PCDHA7: variants seen among roughly 807,000 people sequenced by gnomAD.
PCDHA7 encodes the protein protocadherin alpha 7, also known as protocadherin alpha-7.
A neutral mutation model predicts 57.2 loss-of-function variants in PCDHA7; 37 were observed. The ratio of observed to expected loss-of-function variants is 0.65; its 90% CI spans 0.50 to 0.85. The LOEUF is 0.85. Ranked by LOEUF, PCDHA7 falls within the 40% of genes least tolerant of loss-of-function variation. The pLI, the probability that PCDHA7 is intolerant of heterozygous loss-of-function variation, is 0.00. For synonymous variants in PCDHA7, 553 were observed against 558.8 expected, an observed-to-expected ratio of 0.99 and a Z score of 0.15; for missense variants, 1,188 against 1,241.8, an observed-to-expected ratio of 0.96 and a Z score of 0.65.
At chr5:141,007,759 T>C (rs1392582275) in intron 3 of PCDHA7, among the ~76,000 whole-genome samples, 6 of 152,312 alleles carry the variant, frequency 3.9e-5, no homozygotes, top group Middle Eastern at 3.4e-3. Flanking sequence ...TGGACTCTTA[T>C]TGGCCTGGAA....
chr5:140,877,233 G>A (rs1554169499), intron 1 of PCDHA7: 2 of 1,613,676 alleles, frequency 1.2e-6, no homozygotes, highest in Non-Finnish European at 8.5e-7. Flanking sequence ...CGGTGGGTGC[G>A]GGCCACGTGG....
chr5:140,883,126 G>A (rs781992873), intron 1 of PCDHA7: 2 of 1,614,036 alleles, frequency 1.2e-6, no homozygotes, highest in South Asian at 1.1e-5. Context: ...GGCCTGTATG[G>A]CCTGCAGTGG....
rs143772295 is a variant in PCDHA7 at position 140,836,248 on chromosome 5, T to C, written c.1865T>C (p.Phe622Ser). Residue 622 changes from phenylalanine to serine, a missense_variant, in exon 1 of 4, where the codon TTC becomes TCC. This residue lies in a region of PCDHA7 where 892 missense variants were observed against 788.5 expected (regional missense o/e 1.13). Coordinates refer to ENST00000525929, the MANE Select transcript of PCDHA7 (RefSeq NM_018910.3). ...QPVAAGASIP[F>S]RVGLYTGEIS... Reference sequence around the variant, plus strand: ...GTGGCGGCCGGTGCGAGCATCCCGTTCCGCGTGGGGCTGTACACTGGTGAG... The same window carrying C: ...GTGGCGGCCGGTGCGAGCATCCCGTCCCGCGTGGGGCTGTACACTGGTGAG... 1,441 of 1,613,590 alleles carry C rather than the reference T, an allele frequency of 8.9e-4. 19 individuals are homozygous for C. The highest frequency in any genetic ancestry group is 1.2e-3 in the Non-Finnish European group (1,359 of 1,179,786).
At chr5:140,912,116 C>G (rs2075772929) in intron 1 of PCDHA7, among the ~76,000 whole-genome samples, 1 of 152,188 alleles carries the variant, frequency 6.6e-6, no homozygotes, top group Non-Finnish European at 1.5e-5. Context: ...GGCTGGGAGG[C>G]TAAGTCAGTC....
chr5:140,847,671 A>G (rs1178920203), intron 1 of PCDHA7: 1 of 149,902 alleles, frequency 6.7e-6, no homozygotes, highest in Admixed American at 6.7e-5. Flanking sequence ...TAAAGCTTGG[A>G]AAGAATCAAA....
chr5:140,878,516 G>C (rs2057626740), intron 1 of PCDHA7, among the ~76,000 whole-genome samples: 1 of 152,122 alleles, frequency 6.6e-6, no homozygotes, highest in African/African-American at 2.4e-5. Context: ...CAGTACAGTT[G>C]GTAACCAACT....
Position 140,989,317 on chromosome 5 carries a change from C to T in PCDHA7, c.2503+6754C>T, listed in dbSNP as rs184467267. Among the ~76,000 whole-genome samples, 489 of 152,240 alleles carry T rather than the reference C, an allele frequency of 3.2e-3. 2 individuals carry two copies. Among genetic ancestry groups the T allele is most frequent in the African/African-American group, 0.011 (440 of 41,530 alleles). Reference sequence around the variant, plus strand: ...AAAGGGCCAAGGAAGTAGGGTCTCACCAACTTTGCCACCTGACTCAGCTCA... The same window carrying T: ...AAAGGGCCAAGGAAGTAGGGTCTCATCAACTTTGCCACCTGACTCAGCTCA... On this transcript the variant is annotated intron_variant, in intron 3 of 3. Transcript: ENST00000525929.
intron 1 of PCDHA7, chr5:140,882,402 T>A (rs782437506): frequency 3.7e-6 from 6 of 1,614,052 alleles, no homozygotes; most frequent in South Asian, 1.1e-5. Flanking sequence ...GGCACCTTCG[T>A]GGGCCGCATC....
intron 1 of PCDHA7, among the ~76,000 whole-genome samples, chr5:140,941,595 A>T (rs1273931279): frequency 6.6e-6 from 1 of 152,016 alleles, no homozygotes; most frequent in African/African-American, 2.4e-5. Context: ...GATTACAGCC[A>T]TGAGCCATGG....
intron 1 of PCDHA7, among the ~76,000 whole-genome samples, chr5:140,941,211 C>CTCT (rs2092852939): frequency 7.7e-6 from 1 of 129,628 alleles, no homozygotes; most frequent in East Asian, 2.4e-4. Context: ...TCCTTTCTTT[C>CTCT]TTCCTTTCTT....
intron 3 of PCDHA7, among the ~76,000 whole-genome samples, chr5:140,987,224 A>C (rs28567024): frequency 6.6e-6 from 1 of 151,930 alleles, no homozygotes; most frequent in South Asian, 2.1e-4. Context: ...AAAAAAAAAA[A>C]AAATAATAAA....
At chr5:141,003,962 C>G (rs2098144287) in intron 3 of PCDHA7, among the ~76,000 whole-genome samples, 1 of 152,098 alleles carries the variant, frequency 6.6e-6, no homozygotes, top group Non-Finnish European at 1.5e-5. Context: ...ACCCTGGGAG[C>G]ATAAGGGAGG....
chr5:140,928,690 A>AT lies in PCDHA7; in HGVS notation c.2356-50258dup, dbSNP rs2085447249. On this transcript the variant is annotated intron_variant, in intron 1 of 3. Transcript: ENST00000525929. ...TTCTAATGCCTGGCTTTCCTACCAC[A>AT]TCTCCCGGGCGTCTGACTCTAGTCT... 6 of 1,614,180 alleles carry AT rather than the reference A, an allele frequency of 3.7e-6. No homozygotes were observed. The African/African-American group carries it at 4.0e-5, about 11-fold the overall frequency.
chr5:140,946,765 T>C (rs1255265012), intron 1 of PCDHA7, among the ~76,000 whole-genome samples: 2 of 151,428 alleles, frequency 1.3e-5, no homozygotes, highest in African/African-American at 4.9e-5. Flanking sequence ...ATCTCATTCA[T>C]GTGGAATGTA....
intron 1 of PCDHA7, chr5:140,857,825 G>C: frequency 6.3e-7 from 1 of 1,597,886 alleles, no homozygotes; most frequent in Middle Eastern, 1.7e-4. Context: ...GGTGGCTAAG[G>C]TGCGCGCAGT....
intron 1 of PCDHA7, among the ~76,000 whole-genome samples, chr5:140,902,711 C>T (rs2153477998): frequency 6.6e-6 from 1 of 151,990 alleles, no homozygotes; most frequent in Middle Eastern, 3.4e-3. Context: ...TCTTTCACTC[C>T]CCTCCCACCC....
At chr5:140,967,464 G>T (rs781900904) in intron 1 of PCDHA7, 1 of 1,613,504 alleles carries the variant, frequency 6.2e-7, no homozygotes, top group Non-Finnish European at 8.5e-7. Context: ...GTGGATGGGG[G>T]CATCCCAGCC....
At chr5:140,976,518 A>G (rs2096720750) in intron 1 of PCDHA7, among the ~76,000 whole-genome samples, 1 of 152,070 alleles carries the variant, frequency 6.6e-6, no homozygotes, top group Admixed American at 6.6e-5. Flanking sequence ...GCCACTGCAC[A>G]CCAGCCTAAA....
intron 1 of PCDHA7, chr5:140,875,973 T>C (rs782725100): frequency 6.2e-7 from 1 of 1,614,042 alleles, no homozygotes; most frequent in Non-Finnish European, 8.5e-7. Context: ...TAAACTCTCT[T>C]TTGACCTATG....
Sources: allele counts gnomAD v4.1 joint callset (sites outside exome capture counted in the v4.1 genomes callset), GRCh38; gene constraint gnomAD v4.1.1; regional missense constraint gnomAD v4.1.1; transcripts MANE v1.5; gene names NCBI Gene and HGNC (gene_info 2026-07-23, HGNC 2026-07-21).